The following KATNB1 variants were observed in gnomAD, a reference collection of about 807,000 sequenced individuals.
KATNB1 encodes katanin regulatory subunit B1, also known as katanin p80 WD40 repeat-containing subunit B1.
In KATNB1, 38 loss-of-function variants were observed where a neutral mutation model predicts 82.3. That is an observed-to-expected ratio of 0.46 (90% CI 0.36 to 0.61). KATNB1 has a LOEUF of 0.61. KATNB1 is among the 20% of genes least tolerant of loss of function. The pLI is 0.00. For synonymous variants in KATNB1, 361 were observed against 368.7 expected (o/e 0.98, Z 0.24); for missense variants, 749 against 915.7 (o/e 0.82, Z 2.35).
chr16:57,737,863 G>A (rs1315061652), intron 2 of KATNB1, among the ~76,000 whole-genome samples: 2 of 152,182 alleles, frequency 1.3e-5, no homozygotes. Context: ...GGACCCCAGA[G>A]TGCTTTTGTT....
Position 57,756,834 on chromosome 16 carries a change from G to T in KATNB1, c.1856G>T (p.Cys619Phe). Residue 619 changes from cysteine (C) to phenylalanine (F), a missense_variant, in exon 20 of 20, where the codon TGC becomes TTC. Transcript: ENST00000379661. The stretch of plus-strand genomic sequence containing the variant: ...TACAGGCTGCATAAGTGCCGGCTCT[G>T]CTACAAGCAGCTTAAGAGCATCAGC... ...REERLHKCRLCYKQLKSISGL... is the reference protein window; with the variant it reads ...REERLHKCRLFYKQLKSISGL... The T allele has an allele frequency of 6.4e-7, 1 of 1,574,494 alleles. No individual in the cohort carries two copies. The highest frequency in any genetic ancestry group is 1.8e-5 in the Admixed American group (1 of 55,316).
chr16:57,739,774 C>T (rs1242555157), intron 2 of KATNB1, among the ~76,000 whole-genome samples: 1 of 152,212 alleles, frequency 6.6e-6, no homozygotes, highest in African/African-American at 2.4e-5. Flanking sequence ...TTTGCCAGCT[C>T]AGTGTCCCGC....
chr16:57,753,651 C>G, intron 12 of KATNB1, 132 bp downstream of exon 12: 1 of 1,248,306 alleles, frequency 8.0e-7, no homozygotes, highest in East Asian at 2.5e-5. Flanking sequence ...GCTCCGTATC[C>G]TGTCCTCACG....
At chr16:57,740,144 G>A (rs2049131009) in intron 2 of KATNB1, among the ~76,000 whole-genome samples, 1 of 152,236 alleles carries the variant, frequency 6.6e-6, no homozygotes. Flanking sequence ...CCAGAGGACA[G>A]AAGGCTCTCA....
intron 2 of KATNB1, 146 bp from the exon 3 acceptor site, chr16:57,741,541 T>C (rs1052231219): frequency 1.3e-6 from 1 of 798,562 alleles, no homozygotes; most frequent in Non-Finnish European, 2.0e-6. Context: ...CTGCAGCTCA[T>C]GGTGGACACC....
chr16:57,746,840 C>T (rs1389412226), intron 4 of KATNB1, among the ~76,000 whole-genome samples: 1 of 152,182 alleles, frequency 6.6e-6, no homozygotes, highest in Non-Finnish European at 1.5e-5. Flanking sequence ...CCATGCAGGC[C>T]AGCACTGTGA....
At position 57,753,972 on chromosome 16, in the gene KATNB1, C is replaced by G; in HGVS notation, c.1205C>G (p.Pro402Arg). The part of the protein sequence containing the change: ...ISRTPPRRSE[P>R]FPAPPEDDAA... Reference sequence around the variant, plus strand: ...CGGACGCCACCCCGGAGAAGTGAGCCCTTCCCTGCACCCCCAGAGGACGGT... The same window carrying G: ...CGGACGCCACCCCGGAGAAGTGAGCGCTTCCCTGCACCCCCAGAGGACGGT... Residue 402 changes from proline (P) to arginine (R), a missense_variant, in exon 13 of 20, where the codon CCC becomes CGC. Physicochemically the swap from Pro to Arg is moderately radical, Grantham distance 103. Around this residue, in one of 3 missense-constraint regions of KATNB1, gnomAD observed 407 missense variants for 434.7 expected, o/e 0.94. Transcript: ENST00000379661. 6.2e-7 allele frequency: 1 copy of G among 1,613,664 alleles called. No individual in the cohort carries two copies. Among genetic ancestry groups the G allele is most frequent in the Non-Finnish European group, 8.5e-7 (1 of 1,179,924 alleles).
intron 4 of KATNB1, among the ~76,000 whole-genome samples, chr16:57,744,733 GTGTTTGGATGTA>G (rs2049170790): frequency 1.3e-5 from 2 of 150,164 alleles, no homozygotes; most frequent in Non-Finnish European, 3.0e-5. Context: ...GTGTGTGTGT[GTGTTTGGATGTA>G]TGTGTGTTTG....
chr16:57,757,028 CCATG>C lies in KATNB1; in HGVS notation c.*83_*86del. Reference sequence around the variant, plus strand: ...TCCTGTTCCTTGTGCACCCACTGGCCCATGAGCCTCTGCCTGGCCCCTGCTGCTG... The same window carrying C: ...TCCTGTTCCTTGTGCACCCACTGGCCAGCCTCTGCCTGGCCCCTGCTGCTG... On this transcript the variant is annotated 3_prime_UTR_variant, in exon 20 of 20. Transcript: ENST00000379661. The C allele has an allele frequency of 1.5e-6, 2 of 1,370,838 alleles. No homozygotes were observed. Among genetic ancestry groups the C allele is most frequent in the Non-Finnish European group, 9.5e-7 (1 of 1,055,068 alleles). 84.9% of individuals were successfully genotyped at this position (1,370,838 alleles called of 1,614,324 possible).
At chr16:57,754,408 A>G (rs1382198410) in intron 13 of KATNB1, among the ~76,000 whole-genome samples, 3 of 152,202 alleles carry the variant, frequency 2.0e-5, no homozygotes, top group Admixed American at 6.5e-5. Flanking sequence ...TGCTTCTGGC[A>G]GGAAGGGAGC....
chr16:57,752,706 C>A, intron 9 of KATNB1, 72 bp from the exon 10 acceptor site: 1 of 1,569,114 alleles, frequency 6.4e-7, no homozygotes, highest in Non-Finnish European at 8.6e-7. Context: ...CTGCCCTGGG[C>A]CCTCTGGATT....
In KATNB1 at chr16:57,756,859, C is replaced by G. The variant is rs782233520; in HGVS notation, c.1881C>G (p.Ser627Arg). ...GCTACAAGCAGCTTAAGAGCATCAG[C>G]GGCCTGGTCAAGAGCAAGTCAGGCC... ...RLCYKQLKSISGLVKSKSGLS... is the reference protein window; with the variant it reads ...RLCYKQLKSIRGLVKSKSGLS... Residue 627 changes from serine (S) to arginine (R), a missense_variant, in exon 20 of 20, where the codon AGC becomes AGG. This residue lies in a region of KATNB1 where 95 missense variants were observed against 131.6 expected (regional missense o/e 0.72). Transcript: ENST00000379661. 2.2e-5 allele frequency: 34 copies of G among 1,572,372 alleles called. 1 individual carries two copies. The highest frequency in any genetic ancestry group is 1.2e-4 in the South Asian group (10 of 85,896).
At chr16:57,746,753 G>C (rs569162680) in intron 4 of KATNB1, among the ~76,000 whole-genome samples, 25 of 152,286 alleles carry the variant, frequency 1.6e-4, no homozygotes, top group Admixed American at 1.6e-3. Flanking sequence ...TTCAAGAGAG[G>C]CTGGAAATCT....
chr16:57,744,160 G>A (rs1278711086), intron 3 of KATNB1, among the ~76,000 whole-genome samples: 3 of 152,372 alleles, frequency 2.0e-5, no homozygotes, highest in Non-Finnish European at 2.9e-5. Context: ...GCAGGGAAGA[G>A]GGAGGTGGTG....
intron 13 of KATNB1, among the ~76,000 whole-genome samples, chr16:57,754,238 C>CGG: frequency 6.6e-6 from 1 of 151,924 alleles, no homozygotes; most frequent in Admixed American, 6.6e-5. Context: ...CACCACCACA[C>CGG]TGGGGGGCCT....
In KATNB1 at chr16:57,753,197, C is replaced by G; in HGVS notation, c.976C>G (p.Leu326Val). The change falls in exon 11 of 20, where the codon CTG (leucine) becomes GTG (valine). Residue 326 changes from leucine to valine, a missense_variant. Around this residue, in one of 3 missense-constraint regions of KATNB1, gnomAD observed 407 missense variants for 434.7 expected, o/e 0.94. Coordinates refer to ENST00000379661, the MANE Select transcript of KATNB1 (RefSeq NM_005886.3). ...GGACCACCGGCCCCTGGCACAGCCA[C>G]TGCCCAACCCCAGCGCCCCCCTCCG... Reference protein sequence around the residue: ...VQDHRPLAQPLPNPSAPLRRI... With the variant: ...VQDHRPLAQPVPNPSAPLRRI... 6.2e-7 allele frequency: 1 copy of G among 1,609,430 alleles called. No homozygotes were observed. The highest frequency in any genetic ancestry group is 8.5e-7 in the Non-Finnish European group (1 of 1,179,460).
chr16:57,745,260 T>A (rs1239556375), intron 4 of KATNB1, among the ~76,000 whole-genome samples: 2 of 152,022 alleles, frequency 1.3e-5, no homozygotes, highest in Non-Finnish European at 2.9e-5. Flanking sequence ...ACGCCTATAA[T>A]CCCAGCACTT....
chr16:57,752,119 C>A, intron 8 of KATNB1, 64 bp downstream of exon 8: 1 of 1,004,750 alleles, frequency 1.0e-6, no homozygotes, highest in Non-Finnish European at 1.5e-6. Context: ...GTCCTCTGTG[C>A]GTGTCTCTAC....
In KATNB1 at chr16:57,750,930, G is replaced by C; in HGVS notation, c.390+3G>C. 1 of 1,612,194 alleles carries C rather than the reference G, an allele frequency of 6.2e-7. No individual in the cohort carries two copies. The highest frequency in any genetic ancestry group is 8.5e-7 in the Non-Finnish European group (1 of 1,178,358). On this transcript the variant is annotated splice_donor_region_variant and intron_variant, in intron 5 of 19. Transcript: ENST00000379661. ...GTTCCCAGGACACAAACATCAAGGT[G>C]AGAGGCCGGTCCGTGCCCCGTGTCT...
Sources: gnomAD v4.1 joint callset for allele counts (sites outside exome capture counted in the v4.1 genomes callset) on GRCh38, gnomAD v4.1.1 for gene constraint, gnomAD v4.1.1 regional missense constraint, MANE v1.5 for transcripts, NCBI Gene and HGNC (gene_info 2026-07-23, HGNC 2026-07-21) for gene names.